Variants in NEURL3 observed in about 807,000 individuals in gnomAD.
NEURL3 encodes the protein neuralized E3 ubiquitin protein ligase 3.
Under a neutral mutation model 17.6 loss-of-function variants are expected in NEURL3, and 19 were observed. The ratio of observed to expected loss-of-function variants is 1.08; its 90% CI spans 0.75 to 1.58. NEURL3 has a LOEUF of 1.58. Among genes scored for constraint, NEURL3 ranks in the 40% most tolerant of loss-of-function variants. NEURL3 has a pLI of 0.00. For missense variants in NEURL3, 342 were observed against 379.6 expected (o/e 0.90, Z 0.82); for synonymous variants, 180 against 161.4 (o/e 1.11, Z -0.87).
At chr2:96,504,064 G>A (rs113842413) in intron 1 of NEURL3, among the ~76,000 whole-genome samples, 40 of 152,348 alleles carry the variant, frequency 2.6e-4, no homozygotes, top group African/African-American at 7.2e-4. Flanking sequence ...CTGCCTGCGG[G>A]CTAAGCAGGG....
At chr2:96,503,718 C>T (rs2065533062) in intron 1 of NEURL3, among the ~76,000 whole-genome samples, 2 of 152,204 alleles carry the variant, frequency 1.3e-5, no homozygotes, top group African/African-American at 2.4e-5. Flanking sequence ...GTGATCACCA[C>T]CTCCACTCCA....
intron 1 of NEURL3, among the ~76,000 whole-genome samples, chr2:96,501,423 T>C (rs994967525): frequency 1.3e-5 from 2 of 152,070 alleles, no homozygotes; most frequent in African/African-American, 2.4e-5. Flanking sequence ...GACTGTGGTC[T>C]GCTCCAGGAG....
chr2:96,506,273 A>C (rs2065560125), upstream of NEURL3, among the ~76,000 whole-genome samples: 1 of 152,054 alleles, frequency 6.6e-6, no homozygotes, highest in African/African-American at 2.4e-5. Flanking sequence ...TGGTGTGATC[A>C]TGGCTCACTA....
chr2:96,507,362 CCTGT>C (rs781454992), upstream of NEURL3, among the ~76,000 whole-genome samples: 97 of 152,322 alleles, frequency 6.4e-4, 1 homozygote, highest in African/African-American at 2.2e-3. Flanking sequence ...CTCTTGTTGA[CCTGT>C]CTTTTGTTAT....
At position 96,501,925 on chromosome 2, in the gene NEURL3, C is replaced by A. The variant is rs139538295; in HGVS notation, c.29-1001G>T. 3.6e-4 allele frequency among the ~76,000 whole-genome samples: 55 copies of A among 152,296 alleles called. 2 individuals carry two copies. Among genetic ancestry groups the A allele is most frequent in the Middle Eastern group, 3.4e-3 (1 of 294 alleles). ...CTAAGGAGCAAGGCCACTCCCCTCC[C>A]AGATCAGGTCACACTCCCCTGGCAA... On this transcript the variant is annotated intron_variant, in intron 1 of 3. Transcript: ENST00000451794.
In NEURL3 at chr2:96,500,786, C is replaced by G; in HGVS notation, c.167G>C (p.Arg56Pro). Residue 56 changes from arginine (R) to proline (P), a missense_variant, in exon 2 of 4, where the codon CGC becomes CCC. By Grantham distance (103) the Arg-to-Pro change is moderately radical (BLOSUM62 -2). Coordinates refer to ENST00000451794, the MANE Select transcript of NEURL3 (RefSeq NM_001285485.2). Reference protein sequence around the residue: ...DGIVFSQRPVRLGERVALRVL... With the variant: ...DGIVFSQRPVPLGERVALRVL... Reference sequence around the variant, plus strand: ...TCGCAGCGCCACACGCTCGCCCAGGCGCACCGGCCGCTGGCTGAACACGAT... The same window carrying G: ...TCGCAGCGCCACACGCTCGCCCAGGGGCACCGGCCGCTGGCTGAACACGAT... 1 of 1,526,330 alleles carries G rather than the reference C, an allele frequency of 6.6e-7. No individual in the cohort carries two copies. Among genetic ancestry groups the G allele is most frequent in the African/African-American group, 1.4e-5 (1 of 72,112 alleles). The allele number at this position is 1,526,330 out of a possible 1,614,324, so 94.5% of individuals were successfully genotyped here.
rs2065471091 is a variant in NEURL3, at chr2:96,498,995, C to T, written c.586+383G>A. Among the ~76,000 whole-genome samples, 1 of 152,144 alleles carries T rather than the reference C, an allele frequency of 6.6e-6. No individual in the cohort carries two copies. Among genetic ancestry groups the T allele is most frequent in the Non-Finnish European group, 1.5e-5 (1 of 68,028 alleles). ...GTTTCGCCATGTTGCCCAGGCTGGTCTCAAACTCCTGGGCCCAAGCGATCC... is the reference window on the plus strand; with the variant it reads ...GTTTCGCCATGTTGCCCAGGCTGGTTTCAAACTCCTGGGCCCAAGCGATCC... On this transcript the variant is annotated intron_variant, in intron 3 of 3. Transcript: ENST00000451794. The surrounding 1 kb of genome is among the most constrained non-coding windows in gnomAD (Gnocchi z 4.4).
At chr2:96,501,056 T>A in intron 1 of NEURL3, 132 bp from the exon 2 acceptor site, 1 of 1,127,878 alleles carries the variant, frequency 8.9e-7, no homozygotes, top group Non-Finnish European at 1.2e-6. Context: ...CATTTCCACC[T>A]CTCTCGGTTC....
Position 96,500,558 on chromosome 2 carries a change from C to A in NEURL3, c.395G>T (p.Cys132Phe). The A allele has an allele frequency of 6.4e-7, 1 of 1,555,520 alleles. No homozygotes were observed. Reference protein sequence around the residue: ...LVRFWVDRRGCLFAKVNAGCR... With the variant: ...LVRFWVDRRGFLFAKVNAGCR... ...GCCGGCGTTGACCTTGGCGAAGAGGCAGCCGCGGCGGTCCACCCAGAAGCG... is the reference window on the plus strand; with the variant it reads ...GCCGGCGTTGACCTTGGCGAAGAGGAAGCCGCGGCGGTCCACCCAGAAGCG... The change falls in exon 2 of 4, where the codon TGC becomes TTC. Residue 132 changes from cysteine to phenylalanine, a missense_variant. Transcript: ENST00000451794.
rs1340422113 is a variant in NEURL3, at chr2:96,505,156, TA to T, written c.28+102del. 1.0e-5 allele frequency: 15 copies of T among 1,431,542 alleles called. No homozygotes were observed. The Admixed American group carries it at 2.3e-4, about 22-fold the overall frequency. The allele number at this position is 1,431,542 out of a possible 1,614,324, so 88.7% of individuals were successfully genotyped here. A position where few individuals can be genotyped will look rare whatever the true frequency, so the allele number is the denominator to read the frequency against. On this transcript the variant is annotated intron_variant, in intron 1 of 3. Transcript: ENST00000451794. Reference sequence around the variant, plus strand: ...GGGACCCCACCAGCCCCCTAAACTTTACACTGACCACATCTCTACTCCAGCA... The same window carrying T: ...GGGACCCCACCAGCCCCCTAAACTTTCACTGACCACATCTCTACTCCAGCA...
Position 96,500,708 on chromosome 2 carries a change from C to A in NEURL3, c.245G>T (p.Arg82Leu). The change falls in exon 2 of 4, where the codon CGC becomes CTC. Residue 82 changes from arginine (R) to leucine (L), a missense_variant. Coordinates refer to ENST00000451794, the MANE Select transcript of NEURL3 (RefSeq NM_001285485.2). ...WCGGLRVGFT[R>L]LDPACVSVPS... is the part of the protein sequence containing the mutation. ...CACGGACACGCACGCGGGGTCCAGG[C>A]GCGTGAAGCCCACGCGGAGGCCGCC... 1.3e-6 allele frequency: 2 copies of A among 1,516,938 alleles called. No individual in the cohort carries two copies. The highest frequency in any genetic ancestry group is 1.2e-5 in the South Asian group (1 of 81,572). 94.0% of individuals were successfully genotyped at this position (1,516,938 alleles called of 1,614,324 possible).
upstream of NEURL3, among the ~76,000 whole-genome samples, chr2:96,506,257 G>A (rs2065559977): frequency 6.6e-6 from 1 of 152,174 alleles, no homozygotes; most frequent in African/African-American, 2.4e-5. Flanking sequence ...TCAGGCTAGA[G>A]TGCAGTGGTG....
At chr2:96,505,181 C>T in intron 1 of NEURL3, 78 bp downstream of exon 1, 1 of 1,543,364 alleles carries the variant, frequency 6.5e-7, no homozygotes, top group African/African-American at 1.4e-5. Flanking sequence ...TCTACTCCAG[C>T]AATGACACAG....
intron 1 of NEURL3, among the ~76,000 whole-genome samples, chr2:96,501,798 C>T (rs571247919): frequency 6.6e-6 from 1 of 152,276 alleles, no homozygotes; most frequent in South Asian, 2.1e-4. Flanking sequence ...TGCCCCTCCC[C>T]TCCTGGTCCT....
chr2:96,500,973 C>A, intron 1 of NEURL3, 49 bp from the exon 2 acceptor site: 1 of 1,459,382 alleles, frequency 6.9e-7, no homozygotes, highest in South Asian at 1.4e-5. Flanking sequence ...TCTGGACCCA[C>A]CAGCTCCCCA....
intron 2 of NEURL3, 67 bp from the exon 3 acceptor site, chr2:96,499,516 GC>G: frequency 7.0e-7 from 1 of 1,429,750 alleles, no homozygotes; most frequent in Non-Finnish European, 9.7e-7. Context: ...CCCGCCCCTG[GC>G]CCCGCAGCAA....
intron 1 of NEURL3, among the ~76,000 whole-genome samples, chr2:96,503,060 C>G (rs1272390422): frequency 1.3e-5 from 2 of 152,134 alleles, no homozygotes; most frequent in Non-Finnish European, 2.9e-5. Context: ...GGCAGGTGCC[C>G]GGGACAGAGG....
chr2:96,502,829 CA>C (rs1363510830), intron 1 of NEURL3, among the ~76,000 whole-genome samples: 2 of 152,260 alleles, frequency 1.3e-5, no homozygotes, highest in African/African-American at 4.8e-5. Flanking sequence ...AAGAGGCAGA[CA>C]GTGGGCAAGT....
In NEURL3 at chr2:96,500,197, G is replaced by C. The variant is rs1361302318; in HGVS notation, c.514+242C>G. ...GATGGACACTCTAACAGGTGTTTGA[G>C]TAACAGATGGTGTGAGTGCTGGTCC... On this transcript the variant is annotated intron_variant, in intron 2 of 3. Coordinates refer to ENST00000451794, the MANE Select transcript of NEURL3 (RefSeq NM_001285485.2). The C allele has an allele frequency of 5.3e-6, 3 of 567,584 alleles. No homozygotes were observed. In the East Asian group the frequency reaches 9.3e-5, roughly 18 times the overall value. 35.2% of individuals were successfully genotyped at this position (567,584 alleles called of 1,614,324 possible). A position where few individuals can be genotyped will look rare whatever the true frequency, so the allele number is the denominator to read the frequency against.
Sources: allele counts gnomAD v4.1 joint callset (sites outside exome capture counted in the v4.1 genomes callset), GRCh38; gene constraint gnomAD v4.1.1; non-coding constraint Gnocchi (gnomAD v3.1); transcripts MANE v1.5; gene names NCBI Gene and HGNC (gene_info 2026-07-23, HGNC 2026-07-21).